The following CWC27 variants were observed in gnomAD, a reference collection of about 807,000 sequenced individuals.
The protein encoded by CWC27 is CWC27 spliceosome associated cyclophilin, also known as spliceosome-associated protein CWC27 homolog.
CWC27 carries 47 observed loss-of-function variants against 63.6 expected under a neutral mutation model. The ratio of observed to expected loss-of-function variants is 0.74; its 90% CI spans 0.58 to 0.94. The LOEUF is 0.94. CWC27 is among the 40% of genes least tolerant of loss of function. The pLI is 0.00. For missense variants in CWC27, 495 were observed against 554.3 expected, an observed-to-expected ratio of 0.89 and a Z score of 1.07; for synonymous variants, 175 against 179.8, an observed-to-expected ratio of 0.97 and a Z score of 0.22.
rs368832990 is a variant in CWC27, at chr5:64,821,395, A to G, written c.938+17009A>G. On this transcript the variant is annotated intron_variant, in intron 10 of 13. Coordinates refer to ENST00000381070, the MANE Select transcript of CWC27 (RefSeq NM_005869.4). ...CTTAACAGATATTTCCCCAAAGATA[A>G]TAGATGAGGCAAATAAACGTGAAAA... Among the ~76,000 whole-genome samples the G allele has an allele frequency of 8.5e-5, 13 of 152,346 alleles. No individual in the cohort carries two copies. The East Asian group carries it at 1.7e-3, about 20-fold the overall frequency.
intron 11 of CWC27, among the ~76,000 whole-genome samples, chr5:64,897,444 A>G (rs1747405379): frequency 1.3e-5 from 2 of 152,334 alleles, no homozygotes; most frequent in African/African-American, 2.4e-5. Context: ...AGGGACATGG[A>G]TGAAGCTGGA....
intron 11 of CWC27, among the ~76,000 whole-genome samples, chr5:64,933,068 T>C (rs780837250): frequency 2.0e-5 from 3 of 152,206 alleles, no homozygotes; most frequent in Non-Finnish European, 2.9e-5. Context: ...TCTTATCCTC[T>C]ATTACTGCCT....
chr5:64,788,913 C>CTCTT (rs759396589), intron 6 of CWC27, 38 bp from the exon 7 acceptor site: 1 of 1,379,804 alleles, frequency 7.2e-7, no homozygotes, highest in Non-Finnish European at 9.9e-7. Context: ...ATTTGACTTT[C>CTCTT]TCTTTCTTTT....
At chr5:64,846,959 A>C (rs1429321057) in intron 10 of CWC27, among the ~76,000 whole-genome samples, 1 of 141,886 alleles carries the variant, frequency 7.0e-6, no homozygotes, top group Admixed American at 7.6e-5. Context: ...ACACCACTGC[A>C]CTCCAGTCTG....
chr5:64,881,997 T>C (rs1189697434), intron 10 of CWC27, among the ~76,000 whole-genome samples: 7 of 152,244 alleles, frequency 4.6e-5, no homozygotes, highest in Non-Finnish European at 1.0e-4. Context: ...ATGTGTTTGC[T>C]GTTCCCTGTG....
chr5:64,828,047 C>T (rs954926942), intron 10 of CWC27, among the ~76,000 whole-genome samples: 2 of 152,092 alleles, frequency 1.3e-5, no homozygotes, highest in African/African-American at 4.8e-5. Flanking sequence ...GTGCTTTCCG[C>T]AGTTTTATCC....
At chr5:64,788,359 T>C (rs1400836932) in intron 6 of CWC27, among the ~76,000 whole-genome samples, 2 of 152,054 alleles carry the variant, frequency 1.3e-5, no homozygotes, top group East Asian at 3.9e-4. Context: ...CTTTAATTTT[T>C]CTATTTGAGA....
intron 11 of CWC27, among the ~76,000 whole-genome samples, chr5:64,954,461 T>G (rs1726825254): frequency 6.6e-6 from 1 of 151,876 alleles, no homozygotes; most frequent in Non-Finnish European, 1.5e-5. Context: ...GCTAAAATTT[T>G]TTTAAAGACA....
intron 7 of CWC27, 31 bp downstream of exon 7, chr5:64,789,051 T>G (rs751634898): frequency 6.7e-7 from 1 of 1,492,022 alleles, no homozygotes; most frequent in Non-Finnish European, 9.2e-7. Flanking sequence ...TGTTCTAACT[T>G]ACAAAAGAGA....
chr5:64,921,111 G>A (rs879875664), intron 11 of CWC27, among the ~76,000 whole-genome samples: 5 of 152,092 alleles, frequency 3.3e-5, no homozygotes, highest in Non-Finnish European at 5.9e-5. Flanking sequence ...ACTGCTCTGT[G>A]TTCCAGAGAT....
chr5:64,841,190 T>C (rs532200678), intron 10 of CWC27, among the ~76,000 whole-genome samples: 1 of 152,308 alleles, frequency 6.6e-6, no homozygotes, highest in East Asian at 1.9e-4. Context: ...GCCTTTGTGC[T>C]TTGTTAGCCC....
intron 2 of CWC27, among the ~76,000 whole-genome samples, chr5:64,777,784 A>G (rs565704632): frequency 6.6e-6 from 1 of 152,154 alleles, no homozygotes; most frequent in South Asian, 2.1e-4. Context: ...CAAAATATAC[A>G]GTATTATAAA....
chr5:64,838,662 G>A (rs1745723934), intron 10 of CWC27, among the ~76,000 whole-genome samples: 1 of 152,092 alleles, frequency 6.6e-6, no homozygotes, highest in South Asian at 2.1e-4. Context: ...TAATACCCAG[G>A]TGTTCTCTGC....
At chr5:64,895,937 G>A (rs112838036) in intron 11 of CWC27, among the ~76,000 whole-genome samples, 137 of 152,244 alleles carry the variant, frequency 9.0e-4, no homozygotes, top group African/African-American at 3.2e-3. Flanking sequence ...TCAAATTCTA[G>A]GAGGAGACCA....
In CWC27 at chr5:64,784,090, A is replaced by T. The variant is rs112759156; in HGVS notation, c.396+111A>T. 3,260 of 908,752 alleles carry T rather than the reference A, an allele frequency of 3.6e-3. 83 individuals carry two copies. The African/African-American group carries it at 0.051, about 14-fold the overall frequency. 56.3% of individuals were successfully genotyped at this position (908,752 alleles called of 1,614,324 possible). Reference sequence around the variant, plus strand: ...ATCTAAGAGCTACCTTTGTAAAAACATTCCATAGGATATGTTTATTATTTT... The same window carrying T: ...ATCTAAGAGCTACCTTTGTAAAAACTTTCCATAGGATATGTTTATTATTTT... On this transcript the variant is annotated intron_variant, in intron 4 of 13. Transcript: ENST00000381070.
intron 11 of CWC27, among the ~76,000 whole-genome samples, chr5:64,909,104 G>C (rs1487007890): frequency 6.6e-6 from 1 of 152,128 alleles, no homozygotes; most frequent in Non-Finnish European, 1.5e-5. Context: ...CTCAGCATTT[G>C]CTTGTCTATA....
At chr5:64,953,822 C>T (rs555934463) in intron 11 of CWC27, among the ~76,000 whole-genome samples, 1 of 152,212 alleles carries the variant, frequency 6.6e-6, no homozygotes, top group Non-Finnish European at 1.5e-5. Flanking sequence ...TTCTAGATCT[C>T]ATTAGAAATG....
In CWC27 at chr5:64,951,232, T is replaced by C. The variant is rs1000026321; in HGVS notation, c.1043-20471T>C. Among the ~76,000 whole-genome samples the C allele has an allele frequency of 5.9e-5, 9 of 151,872 alleles. 1 individual carries two copies. Among genetic ancestry groups the C allele is most frequent in the Non-Finnish European group, 1.3e-4 (9 of 67,818 alleles). ...CTAGTTGCATCAAATCCTTGTCAAT[T>C]AATGGTATTATCGGTGTTTAATTTC... On this transcript the variant is annotated intron_variant, in intron 11 of 13. Coordinates refer to ENST00000381070, the MANE Select transcript of CWC27 (RefSeq NM_005869.4).
intron 10 of CWC27, among the ~76,000 whole-genome samples, chr5:64,867,053 A>C (rs1746546948): frequency 6.6e-6 from 1 of 152,124 alleles, no homozygotes; most frequent in East Asian, 1.9e-4. Flanking sequence ...CCTAGCAAAA[A>C]GGGAAGCAAT....
Sources: gnomAD v4.1 joint callset for allele counts (sites outside exome capture counted in the v4.1 genomes callset) on GRCh38, gnomAD v4.1.1 for gene constraint, MANE v1.5 for transcripts, NCBI Gene and HGNC (gene_info 2026-07-23, HGNC 2026-07-21) for gene names.